The following E2F2 variants were observed in gnomAD, a reference collection of about 807,000 sequenced individuals.
E2F2 encodes E2F transcription factor 2, also known as transcription factor E2F2.
Under a neutral mutation model 42.2 loss-of-function variants are expected in E2F2, and 22 were observed. The ratio of observed to expected loss-of-function variants is 0.52; its 90% CI spans 0.37 to 0.74. The LOEUF (loss-of-function observed/expected upper bound fraction) is 0.74, where lower values mean the gene tolerates loss of function less well. Ranked by LOEUF, E2F2 falls within the 30% of genes least tolerant of loss-of-function variation. The pLI is 0.00. For synonymous variants in E2F2, 248 were observed against 251.6 expected, an observed-to-expected ratio of 0.99 and a Z score of 0.13; for missense variants, 481 against 557.8, an observed-to-expected ratio of 0.86 and a Z score of 1.39.
At chr1:23,516,665 T>C (rs1643026303) in intron 5 of E2F2, 138 bp from the exon 6 acceptor site, 1 of 632,380 alleles carries the variant, frequency 1.6e-6, no homozygotes, top group South Asian at 2.3e-5. Flanking sequence ...ACCAACTCCA[T>C]CTGGCCTAAC....
At chr1:23,529,568 C>A (rs1325066962) in intron 1 of E2F2, among the ~76,000 whole-genome samples, 1 of 152,224 alleles carries the variant, frequency 6.6e-6, no homozygotes, top group Non-Finnish European at 1.5e-5. Flanking sequence ...CTCCCTGGAG[C>A]CTGCTTCCAA....
chr1:23,521,542 A>G (rs1643147325), intron 3 of E2F2: 22 of 985,208 alleles, frequency 2.2e-5, no homozygotes, highest in Non-Finnish European at 2.7e-5. Flanking sequence ...CTCAAGAGGA[A>G]GAATCTGAGG....
In E2F2 at chr1:23,516,446, T is replaced by C. The variant is rs778219270; in HGVS notation, c.934A>G (p.Ser312Gly). 1.9e-6 allele frequency: 3 copies of C among 1,609,072 alleles called. No homozygotes were observed. In the Admixed American group the frequency reaches 5.1e-5, roughly 27 times the overall value. The change falls in exon 6 of 7, where the codon AGT becomes GGT. Residue 312 changes from serine (S) to glycine (G), a missense_variant. Transcript: ENST00000361729. ...GAGGGGAGAGGCTCCTCGGAAGGAC[T>C]GTCCGGCTCCTGCACCTCCTCTGGG... is the stretch of plus-strand genomic sequence containing the variant. ...LCPEEVQEPD[S>G]PSEEPLPSTS...
chr1:23,506,544 A>C lies in E2F2; in HGVS notation c.*3336T>G, dbSNP rs573940252. On this transcript the variant is annotated 3_prime_UTR_variant, in exon 7 of 7. Transcript: ENST00000361729. ...AGGCCGGCAGGAAATGACCCGCATGAGTCCCAGCACGGGGACCATGTTCTC... is the reference window on the plus strand; with the variant it reads ...AGGCCGGCAGGAAATGACCCGCATGCGTCCCAGCACGGGGACCATGTTCTC... The C allele has an allele frequency of 1.5e-4, 23 of 152,420 alleles. No individual in the cohort carries two copies. The highest frequency in any genetic ancestry group is 5.3e-4 in the African/African-American group (22 of 41,582). The allele number at this position is 152,420 out of a possible 1,614,324, so 9.4% of individuals were successfully genotyped here.
intron 6 of E2F2, among the ~76,000 whole-genome samples, chr1:23,515,376 TC>T (rs1402291103): frequency 6.6e-6 from 1 of 152,168 alleles, no homozygotes; most frequent in Non-Finnish European, 1.5e-5. Flanking sequence ...AACCATACCG[TC>T]CACCTCCCAG....
rs1441798367 is a variant in E2F2, at chr1:23,510,038, C to T, written c.1156G>A (p.Glu386Lys). Reference sequence around the variant, plus strand: ...AGGGTCGGGGACAGGAACTGGTCCTCAGTCTGCTGCAGGAGTGGGTGCGGC... The same window carrying T: ...AGGGTCGGGGACAGGAACTGGTCCTTAGTCTGCTGCAGGAGTGGGTGCGGC... Reference protein sequence around the residue: ...ELPHPLLQQTEDQFLSPTLAC... With the variant: ...ELPHPLLQQTKDQFLSPTLAC... The change falls in exon 7 of 7, where the codon GAG (glutamate) becomes AAG (lysine). Residue 386 changes from glutamate (E) to lysine (K), a missense_variant. Coordinates refer to ENST00000361729, the MANE Select transcript of E2F2 (RefSeq NM_004091.4). 2 of 1,613,004 alleles carry T rather than the reference C, an allele frequency of 1.2e-6. No individual in the cohort carries two copies. Among genetic ancestry groups the T allele is most frequent in the East Asian group, 2.2e-5 (1 of 44,860 alleles).
intron 4 of E2F2, among the ~76,000 whole-genome samples, chr1:23,520,490 T>TCTCAGCA (rs1238533650): frequency 6.6e-6 from 1 of 152,060 alleles, no homozygotes; most frequent in African/African-American, 2.4e-5. Context: ...ATGCCTGTAA[T>TCTCAGCA]CTCAGCACTT....
chr1:23,530,446 C>T lies in E2F2; in HGVS notation c.252+96G>A. The T allele has an allele frequency of 1.3e-6, 2 of 1,504,266 alleles. No individual in the cohort carries two copies. The highest frequency in any genetic ancestry group is 1.7e-4 in the Middle Eastern group (1 of 5,718). The allele number at this position is 1,504,266 out of a possible 1,614,324, so 93.2% of individuals were successfully genotyped here. On this transcript the variant is annotated intron_variant, in intron 1 of 6. Transcript: ENST00000361729. The surrounding 1 kb of genome is among the most constrained non-coding windows in gnomAD (Gnocchi z 4.4). ...GCTCATCTTCCCTCTTCCCAAAACT[C>T]TACCTGCTCCACTCAAACTGGATCT...
rs150431052 is a variant in E2F2 at position 23,507,756 on chromosome 1, C to G, written c.*2124G>C. ...AGCACACGGGGCACAAGCCTGAAGGCAGCTCCCCTGACCAGCCATATGGAG... is the reference window on the plus strand; with the variant it reads ...AGCACACGGGGCACAAGCCTGAAGGGAGCTCCCCTGACCAGCCATATGGAG... On this transcript the variant is annotated 3_prime_UTR_variant, in exon 7 of 7. Coordinates refer to ENST00000361729, the MANE Select transcript of E2F2 (RefSeq NM_004091.4). 3 of 152,482 alleles carry G rather than the reference C, an allele frequency of 2.0e-5. No homozygotes were observed. The highest frequency in any genetic ancestry group is 4.4e-5 in the Non-Finnish European group (3 of 68,186). 9.4% of individuals were successfully genotyped at this position (152,482 alleles called of 1,614,324 possible). A position where few individuals can be genotyped will look rare whatever the true frequency, so the allele number is the denominator to read the frequency against.
chr1:23,514,333 C>T (rs1477704741), intron 6 of E2F2, among the ~76,000 whole-genome samples: 2 of 152,024 alleles, frequency 1.3e-5, no homozygotes, highest in African/African-American at 4.8e-5. Context: ...GGGGAGGTGT[C>T]CCAAGGGACA....
intron 2 of E2F2, among the ~76,000 whole-genome samples, chr1:23,523,809 C>A (rs1414034696): frequency 6.6e-6 from 1 of 152,110 alleles, no homozygotes; most frequent in African/African-American, 2.4e-5. Flanking sequence ...CATGGTGGCT[C>A]ACGCCTGTAA....
chr1:23,523,609 T>C (rs1446331478), intron 2 of E2F2, among the ~76,000 whole-genome samples: 1 of 152,210 alleles, frequency 6.6e-6, no homozygotes, highest in Non-Finnish European at 1.5e-5. Flanking sequence ...GAATCACTTA[T>C]TCAGCTCCTT....
intron 1 of E2F2, among the ~76,000 whole-genome samples, chr1:23,528,135 G>A (rs1388821315): frequency 1.3e-5 from 2 of 152,214 alleles, no homozygotes; most frequent in African/African-American, 4.8e-5. Context: ...GATGCCATGC[G>A]CCTGGCCAGA....
intron 2 of E2F2, among the ~76,000 whole-genome samples, chr1:23,524,098 C>CAAAAAA (rs1243545997): frequency 4.6e-4 from 59 of 128,624 alleles, no homozygotes; most frequent in African/African-American, 1.8e-3. Context: ...ACAACAACAA[C>CAAAAAA]AACAACAAAA....
chr1:23,524,521 T>C, intron 1 of E2F2, 33 bp from the exon 2 acceptor site: 1 of 1,598,188 alleles, frequency 6.3e-7, no homozygotes. Flanking sequence ...AGGCAGAGTT[T>C]GAGAATCATT....
chr1:23,518,963 C>A lies in E2F2; in HGVS notation c.852+53G>T, dbSNP rs1040925857. 3 of 1,469,686 alleles carry A rather than the reference C, an allele frequency of 2.0e-6. No individual in the cohort carries two copies. In the East Asian group the frequency reaches 6.9e-5, roughly 34 times the overall value. The allele number at this position is 1,469,686 out of a possible 1,614,324, so 91.0% of individuals were successfully genotyped here. A position where few individuals can be genotyped will look rare whatever the true frequency, so the allele number is the denominator to read the frequency against. On this transcript the variant is annotated intron_variant, in intron 5 of 6. Coordinates refer to ENST00000361729, the MANE Select transcript of E2F2 (RefSeq NM_004091.4). ...ACAGAGTCTGCAGAGCCGCCTGGAACGCTCCCTGGCAGGGTCTCAACCCTG... is the reference window on the plus strand; with the variant it reads ...ACAGAGTCTGCAGAGCCGCCTGGAAAGCTCCCTGGCAGGGTCTCAACCCTG...
At chr1:23,519,876 G>A (rs183971105) in intron 4 of E2F2, among the ~76,000 whole-genome samples, 26 of 151,970 alleles carry the variant, frequency 1.7e-4, no homozygotes, top group African/African-American at 6.0e-4. Flanking sequence ...TCAGGAGTTC[G>A]AGACCAGCCT....
At chr1:23,522,339 C>T (rs1643168629) in intron 2 of E2F2, among the ~76,000 whole-genome samples, 1 of 152,214 alleles carries the variant, frequency 6.6e-6, no homozygotes, top group African/African-American at 2.4e-5. Context: ...TTAGGGCTGC[C>T]AGACCACCAC....
intron 5 of E2F2, among the ~76,000 whole-genome samples, chr1:23,517,803 A>T (rs527803164): frequency 6.6e-6 from 1 of 152,342 alleles, no homozygotes; most frequent in East Asian, 1.9e-4. Context: ...TTGAGTTGAG[A>T]CCTGTAGGAT....
Sources: allele counts gnomAD v4.1 joint callset (sites outside exome capture counted in the v4.1 genomes callset), GRCh38; gene constraint gnomAD v4.1.1; non-coding constraint Gnocchi (gnomAD v3.1); transcripts MANE v1.5; gene names NCBI Gene and HGNC (gene_info 2026-07-23, HGNC 2026-07-21).